CFAP74: variants seen among roughly 807,000 people sequenced by gnomAD.
CFAP74 encodes the protein cilia- and flagella-associated protein 74.
A neutral mutation model predicts 188.9 loss-of-function variants in CFAP74; 124 were observed. The ratio of observed to expected loss-of-function variants is 0.66; its 90% CI spans 0.57 to 0.76. The LOEUF is 0.76. Ranked by LOEUF, CFAP74 falls within the 30% of genes least tolerant of loss-of-function variation. The probability of loss-of-function intolerance (pLI) is 0.00; values close to 1 mark genes in which losing one functional copy is unlikely to be tolerated. For missense variants in CFAP74, 2,198 were observed against 2,165.2 expected (o/e 1.02, Z -0.30); for synonymous variants, 956 against 916.7 (o/e 1.04, Z -0.77).
intron 2 of CFAP74, 50 bp downstream of exon 2, chr1:1,990,840 T>G: frequency 6.9e-7 from 1 of 1,441,682 alleles, no homozygotes. Context: ...GCATGTCATT[T>G]GTTTGTCTTT....
In CFAP74 at chr1:1,970,712, T is replaced by G; in HGVS notation, c.993A>C (p.Ala331=). ...KKAILAQGRD[A]FRHLVHQRRR... is the part of the protein sequence containing the mutation. Reference sequence around the variant, plus strand: ...GGCGCTGGTGGACAAGGTGCCTGAATGCATCCCTGCCCTGGGCCAGAATCG... The same window carrying G: ...GGCGCTGGTGGACAAGGTGCCTGAAGGCATCCCTGCCCTGGGCCAGAATCG... Residue 331 remains alanine (A), a synonymous_variant, in exon 10 of 39, where the codon GCA becomes GCC. Transcript: ENST00000682832. 6.2e-7 allele frequency: 1 copy of G among 1,614,032 alleles called. No individual in the cohort carries two copies.
intron 16 of CFAP74, among the ~76,000 whole-genome samples, chr1:1,957,205 C>T (rs568522146): frequency 6.6e-6 from 1 of 152,310 alleles, no homozygotes; most frequent in Admixed American, 6.5e-5. Flanking sequence ...GGGTGCCTCA[C>T]CATGCCCGCT....
Position 1,955,173 on chromosome 1 carries a change from C to T in CFAP74, c.2176+518G>A, listed in dbSNP as rs190252351. 6.4e-5 allele frequency: 82 copies of T among 1,288,294 alleles called. No individual in the cohort carries two copies. In the East Asian group the frequency reaches 1.2e-3, roughly 18 times the overall value. 79.8% of individuals were successfully genotyped at this position (1,288,294 alleles called of 1,614,324 possible). A position where few individuals can be genotyped will look rare whatever the true frequency, so the allele number is the denominator to read the frequency against. Reference sequence around the variant, plus strand: ...CACGCGAAGACAGACAGGAGGAGGACGGAGGTTTCTGGATCTCGATGCGTA... The same window carrying T: ...CACGCGAAGACAGACAGGAGGAGGATGGAGGTTTCTGGATCTCGATGCGTA... On this transcript the variant is annotated intron_variant, in intron 18 of 38. Transcript: ENST00000682832.
In CFAP74 at chr1:1,927,392, T is replaced by C. The variant is rs1651992250; in HGVS notation, c.3527+215A>G. 6.8e-6 allele frequency: 4 copies of C among 589,454 alleles called. No homozygotes were observed. The East Asian group carries it at 8.6e-5, about 13-fold the overall frequency. The allele number at this position is 589,454 out of a possible 1,614,324, so 36.5% of individuals were successfully genotyped here. A position where few individuals can be genotyped will look rare whatever the true frequency, so the allele number is the denominator to read the frequency against. Reference sequence around the variant, plus strand: ...GTGGCTTTGCTCCCCACCCGTGGATTGAGGCTGTGTGCAGGGGTGTCAGGC... The same window carrying C: ...GTGGCTTTGCTCCCCACCCGTGGATCGAGGCTGTGTGCAGGGGTGTCAGGC... On this transcript the variant is annotated intron_variant, in intron 28 of 38. Coordinates refer to ENST00000682832, the MANE Select transcript of CFAP74 (RefSeq NM_001304360.2).
chr1:1,970,690 G>C lies in CFAP74; in HGVS notation c.1015C>G (p.Arg339Gly). 1 of 1,613,022 alleles carries C rather than the reference G, an allele frequency of 6.2e-7. No homozygotes were observed. Among genetic ancestry groups the C allele is most frequent in the Non-Finnish European group, 8.5e-7 (1 of 1,179,538 alleles). ...RDAFRHLVHQ[R>G]RRQELEAQKR... ...TGGGCCTCCAGCTCCTGGCGCCGGC[G>C]CTGGTGGACAAGGTGCCTGAATGCA... The change falls in exon 10 of 39, where the codon CGC (arginine) becomes GGC (glycine). Residue 339 changes from arginine to glycine, a missense_variant. Transcript: ENST00000682832.
At chr1:1,976,218 G>A (rs894128802) in intron 6 of CFAP74, among the ~76,000 whole-genome samples, 2 of 152,200 alleles carry the variant, frequency 1.3e-5, no homozygotes, top group Non-Finnish European at 2.9e-5. Context: ...TGGTTTGGAC[G>A]CGTGTCCCCC....
intron 26 of CFAP74, 24 bp from the exon 27 acceptor site, chr1:1,928,906 C>T (rs1652134062): frequency 6.7e-7 from 1 of 1,496,788 alleles, no homozygotes; most frequent in African/African-American, 1.4e-5. Context: ...AGCGTGGGCA[C>T]AGGGGTTGCC....
Position 1,923,212 on chromosome 1 carries a change from A to C in CFAP74, c.4523-67T>G. 6.6e-7 allele frequency: 1 copy of C among 1,517,654 alleles called. No individual in the cohort carries two copies. Among genetic ancestry groups the C allele is most frequent in the Non-Finnish European group, 8.9e-7 (1 of 1,129,040 alleles). The allele number at this position is 1,517,654 out of a possible 1,614,324, so 94.0% of individuals were successfully genotyped here. A position where few individuals can be genotyped will look rare whatever the true frequency, so the allele number is the denominator to read the frequency against. The stretch of plus-strand genomic sequence containing the variant: ...AGGCATGGGGTGAGGCTGCAGCTGG[A>C]CTCCTGAACTCTGGTTAGCAGTGGC... On this transcript the variant is annotated intron_variant, in intron 36 of 38. Transcript: ENST00000682832. This position sits in a 1 kb window ranked among gnomAD's most constrained non-coding sequence, Gnocchi z 6.3.
chr1:1,991,551 C>T (rs556421125), intron 1 of CFAP74, among the ~76,000 whole-genome samples: 3 of 149,344 alleles, frequency 2.0e-5, no homozygotes, highest in East Asian at 4.0e-4. Flanking sequence ...TGCAGTGAGC[C>T]GAGATAGTGC....
At chr1:1,997,162 C>T (rs1657961056) in intron 1 of CFAP74, among the ~76,000 whole-genome samples, 1 of 152,070 alleles carries the variant, frequency 6.6e-6, no homozygotes, top group Non-Finnish European at 1.5e-5. Flanking sequence ...GTGGCGCACG[C>T]CTGTAATCCC....
intron 20 of CFAP74, among the ~76,000 whole-genome samples, chr1:1,945,379 G>A (rs1479343468): frequency 1.3e-5 from 2 of 152,184 alleles, no homozygotes; most frequent in Admixed American, 6.5e-5. Flanking sequence ...AGCCCAGCAC[G>A]AAGCCGCCTA....
chr1:1,980,574 G>A (rs1040883436), intron 6 of CFAP74, among the ~76,000 whole-genome samples: 6 of 152,200 alleles, frequency 3.9e-5, no homozygotes, highest in Non-Finnish European at 8.8e-5. Flanking sequence ...GGGCAGGGTC[G>A]TCTCTAGGGC....
intron 22 of CFAP74, among the ~76,000 whole-genome samples, chr1:1,941,782 T>C (rs570027767): frequency 1.4e-3 from 217 of 152,250 alleles, no homozygotes; most frequent in Middle Eastern, 6.8e-3. Flanking sequence ...GCTGGAATAA[T>C]TGGAAACCTC....
chr1:1,939,055 C>T (rs1653162370), intron 24 of CFAP74, 67 bp from the exon 25 acceptor site: 2 of 1,474,924 alleles, frequency 1.4e-6, no homozygotes, highest in Non-Finnish European at 1.8e-6. Context: ...TGCGGCAGGG[C>T]CGTGAGTGTG....
Position 1,976,778 on chromosome 1 carries a change from G to A in CFAP74, c.501-2580C>T, listed in dbSNP as rs147775385. ...GGCTGGTCTCAAACTCCTGACCTCA[G>A]GTGATCTGCCCACCTTGGCCTCCCA... On this transcript the variant is annotated intron_variant, in intron 6 of 38. Coordinates refer to ENST00000682832, the MANE Select transcript of CFAP74 (RefSeq NM_001304360.2). Among the ~76,000 whole-genome samples, 714 of 151,070 alleles carry A rather than the reference G, an allele frequency of 4.7e-3. 21 individuals carry two copies. In the East Asian group the frequency reaches 0.086, roughly 18 times the overall value.
chr1:1,955,914 CG>C, intron 17 of CFAP74, 64 bp from the exon 18 acceptor site: 1 of 1,544,688 alleles, frequency 6.5e-7, no homozygotes, highest in Non-Finnish European at 8.7e-7. Context: ...AGTCAGCTGC[CG>C]GAACTCCCAT....
rs375240356 is a variant in CFAP74 at position 2,003,160 on chromosome 1, C to A, written c.-20+541G>T. Among the ~76,000 whole-genome samples, 226 of 152,248 alleles carry A rather than the reference C, an allele frequency of 1.5e-3. 2 individuals are homozygous for A. The South Asian group carries it at 0.03, about 20-fold the overall frequency. ...ATAACCAATCTCTAAGTCGCACATG[C>A]GCATTTATGCACCATCGTTATGCAG... is the stretch of plus-strand genomic sequence containing the variant. On this transcript the variant is annotated intron_variant, in intron 1 of 38. Transcript: ENST00000682832.
At chr1:1,938,173 C>T (rs1172498181) in intron 25 of CFAP74, among the ~76,000 whole-genome samples, 1 of 146,300 alleles carries the variant, frequency 6.8e-6, no homozygotes, top group African/African-American at 2.6e-5. Flanking sequence ...CCTTACACAC[C>T]CACATACAAG....
chr1:1,946,266 G>C, intron 20 of CFAP74, 51 bp downstream of exon 20: 1 of 1,489,064 alleles, frequency 6.7e-7, no homozygotes, highest in Non-Finnish European at 8.9e-7. Context: ...ACATGAGGCT[G>C]TGGAGGCAGG....
Sources: allele counts gnomAD v4.1 joint callset (sites outside exome capture counted in the v4.1 genomes callset), GRCh38; gene constraint gnomAD v4.1.1; non-coding constraint Gnocchi (gnomAD v3.1); transcripts MANE v1.5; gene names NCBI Gene and HGNC (gene_info 2026-07-23, HGNC 2026-07-21).